The following PTPN13 variants were observed in gnomAD, a reference collection of about 807,000 sequenced individuals.
PTPN13 encodes the protein tyrosine-protein phosphatase non-receptor type 13.
PTPN13 carries 191 observed loss-of-function variants against 284.0 expected under a neutral mutation model. That is an observed-to-expected ratio of 0.67 (90% CI 0.60 to 0.76). PTPN13 has a LOEUF of 0.76. PTPN13 is among the 30% of genes least tolerant of loss of function. PTPN13 has a pLI of 0.00. For missense variants in PTPN13, 2,797 were observed against 2,939.9 expected, an observed-to-expected ratio of 0.95 and a Z score of 1.12; for synonymous variants, 986 against 1,022.3, an observed-to-expected ratio of 0.96 and a Z score of 0.68.
In PTPN13 at chr4:86,762,887, C is replaced by T. The variant is rs778354326; in HGVS notation, c.3714C>T (p.Gly1238=). Residue 1238 remains glycine (G), a synonymous_variant, in exon 24 of 48, where the codon GGC becomes GGT. Transcript: ENST00000411767. Reference sequence around the variant, plus strand: ...AGAACTCCTTTGGGCCATCTGGGGGCCTGCGGGAAGGAAGCCTGAGTTCTC... The same window carrying T: ...AGAACTCCTTTGGGCCATCTGGGGGTCTGCGGGAAGGAAGCCTGAGTTCTC... ...ISENSFGPSG[G]LREGSLSSQD... is the part of the protein sequence containing the mutation. 3.3e-5 allele frequency: 54 copies of T among 1,613,684 alleles called. 1 individual carries two copies. In the Admixed American group the frequency reaches 8.3e-4, roughly 25 times the overall value.
rs754275962 is a variant in PTPN13 at position 86,759,038 on chromosome 4, T to C, written c.3518T>C (p.Leu1173Pro). The C allele has an allele frequency of 1.2e-6, 2 of 1,613,602 alleles. No homozygotes were observed. Among genetic ancestry groups the C allele is most frequent in the Admixed American group, 1.7e-5 (1 of 59,964 alleles). Reference sequence around the variant, plus strand: ...CAAAATGCACCTGAAGATGTGACACTTGTTATCTCTCAGCCAAAAGAAAAG... The same window carrying C: ...CAAAATGCACCTGAAGATGTGACACCTGTTATCTCTCAGCCAAAAGAAAAG... ...ILQNAPEDVTLVISQPKEKIS... is the reference protein window; with the variant it reads ...ILQNAPEDVTPVISQPKEKIS... The change falls in exon 23 of 48, where the codon CTT becomes CCT. Residue 1173 changes from leucine to proline, a missense_variant. Coordinates refer to ENST00000411767, the MANE Select transcript of PTPN13 (RefSeq NM_080683.3).
At chr4:86,733,856 CAAT>C (rs5860033) in intron 12 of PTPN13, among the ~76,000 whole-genome samples, 12,430 of 152,098 alleles carry the variant, frequency 0.082, 645 homozygotes, top group Non-Finnish European at 0.11. Context: ...GCTGGTAGCT[CAAT>C]AATAATAAGT....
At chr4:86,729,514 G>T (rs1424954161) in intron 10 of PTPN13, among the ~76,000 whole-genome samples, 3 of 149,230 alleles carry the variant, frequency 2.0e-5, no homozygotes, top group Non-Finnish European at 3.0e-5. Context: ...CATATTCCGT[G>T]TTTCTTGGAG....
At chr4:86,780,746 A>G (rs1293102497) in intron 36 of PTPN13, among the ~76,000 whole-genome samples, 4 of 152,236 alleles carry the variant, frequency 2.6e-5, no homozygotes, top group Admixed American at 1.3e-4. Context: ...AACTGGTTGT[A>G]ATATATCCAA....
intron 20 of PTPN13, among the ~76,000 whole-genome samples, chr4:86,754,179 T>C (rs1163250885): frequency 6.6e-6 from 1 of 152,056 alleles, no homozygotes; most frequent in Non-Finnish European, 1.5e-5. Flanking sequence ...GAGGTTTCTT[T>C]CCTTCTCATT....
At chr4:86,745,530 A>G (rs71605615) in intron 17 of PTPN13, among the ~76,000 whole-genome samples, 21,507 of 152,128 alleles carry the variant, frequency 0.14, 1,982 homozygotes, top group African/African-American at 0.25. Context: ...TAATCCTAGC[A>G]CTTTGGGAGG....
At chr4:86,709,336 C>CA (rs768551066) in intron 7 of PTPN13, among the ~76,000 whole-genome samples, 1 of 152,094 alleles carries the variant, frequency 6.6e-6, no homozygotes, top group Non-Finnish European at 1.5e-5. Flanking sequence ...GCTTGTCTTT[C>CA]CTCGTACAGA....
In PTPN13 at chr4:86,662,706, A is replaced by T. The variant is rs191028072; in HGVS notation, c.116-9659A>T. Among the ~76,000 whole-genome samples, 704 of 152,344 alleles carry T rather than the reference A, an allele frequency of 4.6e-3. 1 individual carries two copies. The highest frequency in any genetic ancestry group is 7.6e-3 in the Admixed American group (116 of 15,304). ...TGCAGCTAAAATATTACACATACATAGAGTAGTTTTGCTCTCAAAGTTTGG... is the reference window on the plus strand; with the variant it reads ...TGCAGCTAAAATATTACACATACATTGAGTAGTTTTGCTCTCAAAGTTTGG... On this transcript the variant is annotated intron_variant, in intron 2 of 47. Coordinates refer to ENST00000411767, the MANE Select transcript of PTPN13 (RefSeq NM_080683.3).
intron 1 of PTPN13, among the ~76,000 whole-genome samples, chr4:86,618,454 T>C (rs1387841151): frequency 6.6e-6 from 1 of 152,222 alleles, no homozygotes; most frequent in South Asian, 2.1e-4. Flanking sequence ...TTTTTTCCTA[T>C]TCTGTGAAGA....
At chr4:86,686,654 C>A in intron 3 of PTPN13, 56 bp from the exon 4 acceptor site, 1 of 1,166,324 alleles carries the variant, frequency 8.6e-7, no homozygotes, top group African/African-American at 1.6e-5. Flanking sequence ...ATAGCACTTG[C>A]TTAATTTTCT....
chr4:86,762,059 G>A (rs773330480), intron 23 of PTPN13, among the ~76,000 whole-genome samples: 1 of 152,166 alleles, frequency 6.6e-6, no homozygotes, highest in East Asian at 1.9e-4. Flanking sequence ...TGCAGGCTCC[G>A]CCTCCCAGGT....
intron 3 of PTPN13, among the ~76,000 whole-genome samples, chr4:86,683,718 T>G (rs920461920): frequency 1.1e-4 from 17 of 152,218 alleles, no homozygotes; most frequent in African/African-American, 3.9e-4. Flanking sequence ...ATAACCTAGT[T>G]TTAAGAATGT....
chr4:86,744,887 C>A, intron 16 of PTPN13, 79 bp from the exon 17 acceptor site: 1 of 1,065,410 alleles, frequency 9.4e-7, no homozygotes, highest in Non-Finnish European at 1.3e-6. Flanking sequence ...AGATGTAAGT[C>A]AATATCCAGT....
At chr4:86,683,405 A>G (rs1218865054) in intron 3 of PTPN13, among the ~76,000 whole-genome samples, 1 of 152,192 alleles carries the variant, frequency 6.6e-6, no homozygotes, top group Non-Finnish European at 1.5e-5. Flanking sequence ...CCAAAGGAGG[A>G]AAACACTGAT....
At chr4:86,617,639 G>C (rs544664064) in intron 1 of PTPN13, among the ~76,000 whole-genome samples, 3 of 152,026 alleles carry the variant, frequency 2.0e-5, no homozygotes, top group Admixed American at 6.6e-5. Flanking sequence ...GGTGTGAGAT[G>C]GTATCTCATT....
intron 20 of PTPN13, among the ~76,000 whole-genome samples, chr4:86,757,934 A>G (rs1451579956): frequency 6.6e-6 from 1 of 152,168 alleles, no homozygotes; most frequent in Non-Finnish European, 1.5e-5. Flanking sequence ...AGAAAACCTA[A>G]ATTGAAAAGT....
Position 86,701,809 on chromosome 4 carries a change from A to T in PTPN13, c.1195+8A>T, listed in dbSNP as rs757522533. On this transcript the variant is annotated splice_region_variant and intron_variant, in intron 7 of 47. Transcript: ENST00000411767. Reference sequence around the variant, plus strand: ...AAGCCATGAATGTAGAAGGTTAGTAATTCTGTGCATGTTTGAGAAAGAATT... The same window carrying T: ...AAGCCATGAATGTAGAAGGTTAGTATTTCTGTGCATGTTTGAGAAAGAATT... 1.3e-6 allele frequency: 2 copies of T among 1,583,040 alleles called. No individual in the cohort carries two copies. Among genetic ancestry groups the T allele is most frequent in the Admixed American group, 3.7e-5 (2 of 53,800 alleles).
chr4:86,614,672 C>G (rs1336184222), intron 1 of PTPN13, among the ~76,000 whole-genome samples: 1 of 151,934 alleles, frequency 6.6e-6, no homozygotes, highest in Non-Finnish European at 1.5e-5. Context: ...TGGACTAAAA[C>G]AAAACAGTCC....
At chr4:86,766,567 A>G in intron 27 of PTPN13, 50 bp downstream of exon 27, 1 of 1,305,656 alleles carries the variant, frequency 7.7e-7, no homozygotes, top group South Asian at 1.4e-5. Flanking sequence ...AGAGCAAAAC[A>G]ATGTGTGAAT....
Sources: allele counts gnomAD v4.1 joint callset (sites outside exome capture counted in the v4.1 genomes callset), GRCh38; gene constraint gnomAD v4.1.1; transcripts MANE v1.5; gene names NCBI Gene and HGNC (gene_info 2026-07-23, HGNC 2026-07-21).